CHRM5: variants seen among roughly 807,000 people sequenced by gnomAD.
The protein encoded by CHRM5 is muscarinic acetylcholine receptor M5.
In CHRM5, 18 loss-of-function variants were observed where a neutral mutation model predicts 39.0. That is an observed-to-expected ratio of 0.46 (90% CI 0.32 to 0.68). CHRM5 has a LOEUF of 0.68. CHRM5 is among the 30% of genes least tolerant of loss of function. CHRM5 has a pLI of 0.04. For synonymous variants in CHRM5, 241 were observed against 246.3 expected (o/e 0.98, Z 0.20); for missense variants, 515 against 651.1 (o/e 0.79, Z 2.28).
At chr15:34,032,421 C>T (rs528331079) in intron 1 of CHRM5, among the ~76,000 whole-genome samples, 3 of 152,202 alleles carry the variant, frequency 2.0e-5, no homozygotes, top group East Asian at 1.9e-4. Flanking sequence ...GATTTATGAG[C>T]GAGCTATTTT....
intron 1 of CHRM5, among the ~76,000 whole-genome samples, chr15:34,035,204 T>A (rs1216345073): frequency 1.3e-5 from 2 of 152,234 alleles, no homozygotes; most frequent in Non-Finnish European, 2.9e-5. Context: ...ATTCTACTTT[T>A]TAGTACAACT....
At chr15:34,056,720 G>A (rs1231481680) in intron 2 of CHRM5, among the ~76,000 whole-genome samples, 3 of 151,924 alleles carry the variant, frequency 2.0e-5, no homozygotes, top group East Asian at 1.9e-4. Flanking sequence ...GAGGTAGAGC[G>A]CCCACCAAAA....
At chr15:34,050,784 T>C (rs1214802803) in intron 2 of CHRM5, among the ~76,000 whole-genome samples, 2 of 152,130 alleles carry the variant, frequency 1.3e-5, no homozygotes, top group African/African-American at 4.8e-5. Flanking sequence ...AGGGTTCAAT[T>C]CAACAAGAAG....
intron 1 of CHRM5, among the ~76,000 whole-genome samples, chr15:34,040,313 T>C (rs1899416149): frequency 6.6e-6 from 1 of 152,124 alleles, no homozygotes; most frequent in African/African-American, 2.4e-5. Flanking sequence ...AAAAGTTAAA[T>C]TATATTTAAA....
At position 33,976,234 on chromosome 15, in the gene CHRM5, G is replaced by A. The variant is rs1002610436; in HGVS notation, c.-408+7084G>A. Among the ~76,000 whole-genome samples the A allele has an allele frequency of 3.9e-5, 6 of 152,252 alleles. No individual in the cohort carries two copies. The East Asian group carries it at 1.2e-3, about 29-fold the overall frequency. ...TATGACATACTATTTATATTACAAT[G>A]TATTCATTTGCATTCAGTGATCATC... is the stretch of plus-strand genomic sequence containing the variant. On this transcript the variant is annotated intron_variant, in intron 1 of 2. Coordinates refer to ENST00000383263, the MANE Select transcript of CHRM5 (RefSeq NM_012125.4).
chr15:34,032,044 G>T (rs934358428), intron 1 of CHRM5, among the ~76,000 whole-genome samples: 1 of 104,132 alleles, frequency 9.6e-6, no homozygotes, highest in African/African-American at 2.7e-5. Context: ...CACACACAGG[G>T]CTTCTAACAA....
chr15:34,035,989 T>C (rs766945202), intron 1 of CHRM5, among the ~76,000 whole-genome samples: 4 of 151,456 alleles, frequency 2.6e-5, no homozygotes, highest in Admixed American at 6.6e-5. Context: ...AGAGAGGGGG[T>C]CTCGTTATGT....
At chr15:34,053,319 A>AAAAAAATAT (rs775436850) in intron 2 of CHRM5, among the ~76,000 whole-genome samples, 6 of 42,098 alleles carry the variant, frequency 1.4e-4, no homozygotes, top group East Asian at 5.1e-4. Flanking sequence ...AAAAAAAAAA[A>AAAAAAATAT]ATATATATAT....
At chr15:34,048,218 T>C (rs1447917873) in intron 2 of CHRM5, among the ~76,000 whole-genome samples, 1 of 152,222 alleles carries the variant, frequency 6.6e-6, no homozygotes, top group Non-Finnish European at 1.5e-5. Flanking sequence ...TCCTCCTCAC[T>C]GGGTGGGATC....
At position 34,063,384 on chromosome 15, in the gene CHRM5, C is replaced by G; in HGVS notation, c.667C>G (p.Arg223Gly). The change falls in exon 3 of 3, where the codon CGA becomes GGA. Residue 223 changes from arginine (R) to glycine (G), a missense_variant. Physicochemically the swap from Arg to Gly is moderately radical, Grantham distance 125 (BLOSUM62 -2). Transcript: ENST00000383263. The surrounding 1 kb of genome is among the most constrained non-coding windows in gnomAD (Gnocchi z 4.1). Reference sequence around the variant, plus strand: ...TCGAATCTACCGGGAAACAGAGAAGCGAACCAAGGACCTGGCTGACCTCCA... The same window carrying G: ...TCGAATCTACCGGGAAACAGAGAAGGGAACCAAGGACCTGGCTGACCTCCA... ...YCRIYRETEKRTKDLADLQGS... is the reference protein window; with the variant it reads ...YCRIYRETEKGTKDLADLQGS... The G allele has an allele frequency of 6.2e-7, 1 of 1,614,032 alleles. No individual in the cohort carries two copies. The highest frequency in any genetic ancestry group is 8.5e-7 in the Non-Finnish European group (1 of 1,180,022).
intron 1 of CHRM5, among the ~76,000 whole-genome samples, chr15:34,030,432 G>A (rs1483549582): frequency 5.9e-5 from 9 of 151,724 alleles, no homozygotes; most frequent in South Asian, 4.2e-4. Context: ...TGCAAGCTCC[G>A]CCTCCCAGGT....
intron 1 of CHRM5, among the ~76,000 whole-genome samples, chr15:33,984,452 G>C (rs1384788684): frequency 1.3e-5 from 2 of 151,748 alleles, no homozygotes; most frequent in Non-Finnish European, 2.9e-5. Flanking sequence ...GCTCAGGCTG[G>C]AGTGCAATGG....
intron 1 of CHRM5, among the ~76,000 whole-genome samples, chr15:34,043,201 C>T (rs1190246302): frequency 6.7e-6 from 1 of 149,368 alleles, no homozygotes; most frequent in Non-Finnish European, 1.5e-5. Flanking sequence ...GAGCCGAGAT[C>T]ACACCACTGC....
chr15:33,983,211 T>TATGC (rs1896260288), intron 1 of CHRM5, among the ~76,000 whole-genome samples: 1 of 14,528 alleles, frequency 6.9e-5, no homozygotes, highest in Admixed American at 6.9e-4. Context: ...TATATATATA[T>TATGC]ATACATATAT....
At chr15:34,008,386 C>T (rs533776931) in intron 1 of CHRM5, among the ~76,000 whole-genome samples, 1 of 149,350 alleles carries the variant, frequency 6.7e-6, no homozygotes, top group African/African-American at 2.5e-5. Context: ...TGCCACTGCA[C>T]TGAAGCCTGG....
chr15:34,004,041 G>A (rs1475404076), intron 1 of CHRM5, among the ~76,000 whole-genome samples: 1 of 152,142 alleles, frequency 6.6e-6, no homozygotes, highest in Non-Finnish European at 1.5e-5. Flanking sequence ...CACTCTCCAG[G>A]CTCAATTTCT....
At chr15:33,987,584 T>C (rs944435251) in intron 1 of CHRM5, among the ~76,000 whole-genome samples, 10 of 152,146 alleles carry the variant, frequency 6.6e-5, no homozygotes, top group South Asian at 2.1e-4. Context: ...ATGGTTTTTT[T>C]CTCCAACCAT....
Position 33,981,352 on chromosome 15 carries a change from G to A in CHRM5, c.-408+12202G>A, listed in dbSNP as rs1186142425. Among the ~76,000 whole-genome samples the A allele has an allele frequency of 5.9e-5, 9 of 152,112 alleles. 1 individual carries two copies. In the East Asian group the frequency reaches 9.6e-4, roughly 16 times the overall value. ...TCCTGCGTACTAATATATTTTTTCC[G>A]GACTTTTCAGTTTAAATGAAACAAG... is the stretch of plus-strand genomic sequence containing the variant. On this transcript the variant is annotated intron_variant, in intron 1 of 2. Transcript: ENST00000383263.
At chr15:34,043,424 T>C (rs986339542) in intron 1 of CHRM5, among the ~76,000 whole-genome samples, 2 of 152,182 alleles carry the variant, frequency 1.3e-5, no homozygotes, top group African/African-American at 4.8e-5. Context: ...GTTTAGCTAG[T>C]TTCTCGTGCT....
Sources: gnomAD v4.1 joint callset for allele counts (sites outside exome capture counted in the v4.1 genomes callset) on GRCh38, gnomAD v4.1.1 for gene constraint, Gnocchi (gnomAD v3.1) non-coding constraint, MANE v1.5 for transcripts, NCBI Gene and HGNC (gene_info 2026-07-23, HGNC 2026-07-21) for gene names.